PHOSPHO1: variants seen among roughly 807,000 people sequenced by gnomAD.
The protein encoded by PHOSPHO1 is phosphoethanolamine/phosphocholine phosphatase.
PHOSPHO1 carries 6 observed loss-of-function variants against 17.7 expected under a neutral mutation model. That is an observed-to-expected ratio of 0.34 (90% CI 0.19 to 0.67). PHOSPHO1 has a LOEUF of 0.67. PHOSPHO1 is among the 30% of genes least tolerant of loss of function. PHOSPHO1 has a pLI of 0.69. For missense variants in PHOSPHO1, 330 were observed against 392.1 expected (o/e 0.84, Z 1.34); for synonymous variants, 159 against 174.6 (o/e 0.91, Z 0.71).
intron 1 of PHOSPHO1, among the ~76,000 whole-genome samples, chr17:49,228,272 C>T (rs892064501): frequency 2.0e-5 from 2 of 100,270 alleles, no homozygotes; most frequent in Non-Finnish European, 4.3e-5. Flanking sequence ...TTCCTTCCTT[C>T]CTTCCTTCCT....
chr17:49,225,527 A>G (rs909181427), intron 2 of PHOSPHO1: 23 of 1,219,404 alleles, frequency 1.9e-5, no homozygotes, highest in Admixed American at 3.5e-5. Flanking sequence ...CTTTTGGGCC[A>G]TGGGGAATCT....
rs752232029 is a variant in PHOSPHO1, at chr17:49,224,803, C to T, written c.247G>A (p.Gly83Ser). Residue 83 changes from glycine (G) to serine (S), a missense_variant, in exon 3 of 3, where the codon GGC becomes AGC. Coordinates refer to ENST00000310544, the MANE Select transcript of PHOSPHO1 (RefSeq NM_178500.4). ...QRVFKYLGEQ[G>S]VRPRDLSAIY... ...GCGCTCAGGTCCCGCGGCCGCACGC[C>T]CTGCTCGCCCAGGTACTTGAAGACG... The T allele has an allele frequency of 2.4e-5, 38 of 1,599,566 alleles. No individual in the cohort carries two copies. The highest frequency in any genetic ancestry group is 3.2e-5 in the Non-Finnish European group (38 of 1,173,448).
rs143958450 is a variant in PHOSPHO1, at chr17:49,230,423, G to GC, written c.-68+44dup. 864 of 152,550 alleles carry GC rather than the reference G, an allele frequency of 5.7e-3. 8 individuals carry two copies. The highest frequency in any genetic ancestry group is 9.2e-3 in the Non-Finnish European group (631 of 68,288). 9.4% of individuals were successfully genotyped at this position (152,550 alleles called of 1,614,324 possible). Reference sequence around the variant, plus strand: ...TCAAACTCCACAGCCCCCACCCCGCGCCGGGACCCCAGCCCTCCCCTATCT... The same window carrying GC: ...TCAAACTCCACAGCCCCCACCCCGCGCCCGGGACCCCAGCCCTCCCCTATCT... On this transcript the variant is annotated intron_variant, in intron 1 of 2. Transcript: ENST00000310544.
intron 2 of PHOSPHO1, 124 bp from the exon 3 acceptor site, chr17:49,225,128 A>G (rs575094688): frequency 2.8e-6 from 4 of 1,439,388 alleles, no homozygotes; most frequent in African/African-American, 2.9e-5. Context: ...GGCACATCCA[A>G]CACCTGAGGA....
rs547226881 is a variant in PHOSPHO1 at position 49,224,362 on chromosome 17, G to T, written c.688C>A (p.Arg230Ser). The change falls in exon 3 of 3, where the codon CGC (arginine) becomes AGC (serine). Residue 230 changes from arginine (R) to serine (S), a missense_variant. Arg to Ser is a moderately radical substitution (Grantham distance 110). Coordinates refer to ENST00000310544, the MANE Select transcript of PHOSPHO1 (RefSeq NM_178500.4). ...GCCTTCTGGGCCTCCTGAATGAGGC[G>T]GTGCATGGGGTAGCCGCGGCGCGGG... ...AFPRRGYPMH[R>S]LIQEAQKAEP... is the part of the protein sequence containing the mutation. 4 of 1,564,194 alleles carry T rather than the reference G, an allele frequency of 2.6e-6. No individual in the cohort carries two copies. Among genetic ancestry groups the T allele is most frequent in the Non-Finnish European group, 3.5e-6 (4 of 1,158,304 alleles).
intron 2 of PHOSPHO1, chr17:49,225,918 A>T (rs2043350663): frequency 9.0e-7 from 1 of 1,106,546 alleles, no homozygotes; most frequent in Non-Finnish European, 1.1e-6. Context: ...TTGGAGACAG[A>T]CTGCTGGACA....
chr17:49,224,604 G>T lies in PHOSPHO1; in HGVS notation c.446C>A (p.Pro149Gln). 6.4e-7 allele frequency: 1 copy of T among 1,574,734 alleles called. No homozygotes were observed. The highest frequency in any genetic ancestry group is 8.6e-7 in the Non-Finnish European group (1 of 1,165,992). Residue 149 changes from proline (P) to glutamine (Q), a missense_variant, in exon 3 of 3, where the codon CCG becomes CAG. Physicochemically the swap from Pro to Gln is moderately conservative, Grantham distance 76. Coordinates refer to ENST00000310544, the MANE Select transcript of PHOSPHO1 (RefSeq NM_178500.4). ...CAGTCCCCGCGCATCCGGCCCCGAC[G>T]GGTTGCTGAGGATGCGGCGGAACAG... ...HSLFRRILSN[P>Q]SGPDARGLLA...
Position 49,224,436 on chromosome 17 carries a change from G to A in PHOSPHO1, c.614C>T (p.Ala205Val), listed in dbSNP as rs1474925791. The A allele has an allele frequency of 6.4e-6, 10 of 1,553,968 alleles. No individual in the cohort carries two copies. Among genetic ancestry groups the A allele is most frequent in the South Asian group, 2.3e-5 (2 of 85,170 alleles). ...CAGCCCCATGGGGCAGAAGTCGTTG[G>A]CGCCGTCGCCCACGTAGAAGAGGCG... ...FERLFYVGDG[A>V]NDFCPMGLLA... Residue 205 changes from alanine to valine, a missense_variant, in exon 3 of 3, where the codon GCC becomes GTC. Physicochemically the swap from Ala to Val is moderately conservative, Grantham distance 64. Transcript: ENST00000310544.
In PHOSPHO1 at chr17:49,224,880, T is replaced by C; in HGVS notation, c.170A>G (p.Glu57Gly). ...VRAAPGQRLP[E>G]SLRATYREGF... ...CTCGCGGTAGGTGGCTCGCAGGCTC[T>C]CCGGGAGCCGCTGGCCCGGCGCGGC... is the stretch of plus-strand genomic sequence containing the variant. Residue 57 changes from glutamate (E) to glycine (G), a missense_variant, in exon 3 of 3, where the codon GAG becomes GGG. Physicochemically the swap from Glu to Gly is moderately conservative, Grantham distance 98 (BLOSUM62 -2). Coordinates refer to ENST00000310544, the MANE Select transcript of PHOSPHO1 (RefSeq NM_178500.4). The C allele has an allele frequency of 6.2e-7, 1 of 1,604,076 alleles. No homozygotes were observed. Among genetic ancestry groups the C allele is most frequent in the African/African-American group, 1.3e-5 (1 of 74,858 alleles).
chr17:49,225,729 C>G (rs1299185093), intron 2 of PHOSPHO1: 2 of 1,286,846 alleles, frequency 1.6e-6, no homozygotes, highest in African/African-American at 3.0e-5. Flanking sequence ...GCAGGAGAAG[C>G]AGTGGGGCTT....
At chr17:49,226,178 A>G (rs565644697) in intron 2 of PHOSPHO1, among the ~76,000 whole-genome samples, 1 of 152,116 alleles carries the variant, frequency 6.6e-6, no homozygotes, top group African/African-American at 2.4e-5. Context: ...GCTTCCAGAT[A>G]CCCACACACT....
At position 49,224,237 on chromosome 17, in the gene PHOSPHO1, C is replaced by A; in HGVS notation, c.*9G>T. ...GTTGGCCCGGGTACCCCCCTGCAGG[C>A]GGCCAGACTCAGCACGACTTCAGCA... On this transcript the variant is annotated 3_prime_UTR_variant, in exon 3 of 3. Transcript: ENST00000310544. The A allele has an allele frequency of 1.3e-6, 2 of 1,553,068 alleles. No homozygotes were observed. The highest frequency in any genetic ancestry group is 1.7e-6 in the Non-Finnish European group (2 of 1,153,982).
chr17:49,225,826 G>T (rs1159640660), intron 2 of PHOSPHO1: 1 of 1,208,872 alleles, frequency 8.3e-7, no homozygotes, highest in African/African-American at 1.6e-5. Flanking sequence ...TGGCTGAAAA[G>T]GCAGAGGAGT....
intron 2 of PHOSPHO1, chr17:49,225,311 G>T (rs1454922379): frequency 2.0e-6 from 2 of 985,458 alleles, no homozygotes; most frequent in Non-Finnish European, 2.4e-6. Context: ...GGCTTAACAA[G>T]GGTCAAAAGA....
intron 1 of PHOSPHO1, among the ~76,000 whole-genome samples, chr17:49,227,169 G>A (rs115906902): frequency 5.5e-4 from 84 of 152,312 alleles, no homozygotes; most frequent in African/African-American, 2.0e-3. Flanking sequence ...TAACTAACCA[G>A]CCACGCTGTT....
chr17:49,226,533 G>A (rs1244307639), intron 2 of PHOSPHO1, 114 bp downstream of exon 2: 1 of 1,067,678 alleles, frequency 9.4e-7, no homozygotes, highest in Non-Finnish European at 1.4e-6. Context: ...CAGTAGAGGT[G>A]AGGGTAAACC....
Position 49,223,885 on chromosome 17 carries a change from A to C in PHOSPHO1, c.*361T>G. ...AGGGGCGGTCACGCAGCCCGAGGCA[A>C]CAAGTTACAGCGGCGGGAGATGTTC... On this transcript the variant is annotated 3_prime_UTR_variant, in exon 3 of 3. Coordinates refer to ENST00000310544, the MANE Select transcript of PHOSPHO1 (RefSeq NM_178500.4). 7 of 205,726 alleles carry C rather than the reference A, an allele frequency of 3.4e-5. No individual in the cohort carries two copies. Among genetic ancestry groups the C allele is most frequent in the Non-Finnish European group, 5.8e-5 (6 of 102,878 alleles). 12.7% of individuals were successfully genotyped at this position (205,726 alleles called of 1,614,324 possible). A position where few individuals can be genotyped will look rare whatever the true frequency, so the allele number is the denominator to read the frequency against.
At chr17:49,225,063 C>A (rs1195038231) in intron 2 of PHOSPHO1, 59 bp from the exon 3 acceptor site, 2 of 1,446,134 alleles carry the variant, frequency 1.4e-6, no homozygotes, top group South Asian at 2.9e-5. Flanking sequence ...CGAGAGGGGG[C>A]GCGGCAGGAG....
In PHOSPHO1 at chr17:49,224,176, G is replaced by C. The variant is rs1246019181; in HGVS notation, c.*70C>G. The C allele has an allele frequency of 6.8e-7, 1 of 1,462,404 alleles. No homozygotes were observed. The highest frequency in any genetic ancestry group is 2.4e-5 in the East Asian group (1 of 41,434). 90.6% of individuals were successfully genotyped at this position (1,462,404 alleles called of 1,614,324 possible). A position where few individuals can be genotyped will look rare whatever the true frequency, so the allele number is the denominator to read the frequency against. Reference sequence around the variant, plus strand: ...AAAGGGAAAAGGGAGTAGTAAAGCTGTCTTTGCCGAATCTCCCTTCCCCGC... The same window carrying C: ...AAAGGGAAAAGGGAGTAGTAAAGCTCTCTTTGCCGAATCTCCCTTCCCCGC... On this transcript the variant is annotated 3_prime_UTR_variant, in exon 3 of 3. Transcript: ENST00000310544.
Sources: allele counts gnomAD v4.1 joint callset (sites outside exome capture counted in the v4.1 genomes callset), GRCh38; gene constraint gnomAD v4.1.1; transcripts MANE v1.5; gene names NCBI Gene and HGNC (gene_info 2026-07-23, HGNC 2026-07-21).